The following SNTG1 variants were observed in gnomAD, a reference collection of about 807,000 sequenced individuals.
SNTG1 encodes syntrophin gamma 1.
SNTG1 carries 39 observed loss-of-function variants against 74.7 expected under a neutral mutation model. That is an observed-to-expected ratio of 0.52 (90% CI 0.40 to 0.68). The LOEUF (loss-of-function observed/expected upper bound fraction) is 0.68. Ranked by LOEUF, SNTG1 falls within the 30% of genes least tolerant of loss-of-function variation. SNTG1 has a pLI of 0.00. For missense variants in SNTG1, 685 were observed against 609.5 expected (o/e 1.12, Z -1.30); for synonymous variants, 254 against 217.1 (o/e 1.17, Z -1.49).
At chr8:50,509,280 A>G (rs2094041518) in intron 9 of SNTG1, among the ~76,000 whole-genome samples, 2 of 152,056 alleles carry the variant, frequency 1.3e-5, no homozygotes, top group African/African-American at 4.8e-5. Context: ...ATTGGTCTCT[A>G]TCTCTGTTTT....
chr8:50,674,762 G>A lies in SNTG1; in HGVS notation c.1038+16099G>A, dbSNP rs939879594. 3.9e-5 allele frequency among the ~76,000 whole-genome samples: 6 copies of A among 152,040 alleles called. No homozygotes were observed. The South Asian group carries it at 8.3e-4, about 21-fold the overall frequency. On this transcript the variant is annotated intron_variant, in intron 15 of 18. Transcript: ENST00000642720. ...GCTCTTTTAATTGTGATGTTAGGGT[G>A]TAGATTTGAGATCTTTCTAGCTTTC...
chr8:50,123,476 G>T (rs1164541960), intron 1 of SNTG1, among the ~76,000 whole-genome samples: 7 of 142,134 alleles, frequency 4.9e-5, no homozygotes, highest in Non-Finnish European at 7.8e-5. Context: ...ATTCACTGCT[G>T]CCAAAAATAT....
At chr8:50,182,158 C>A (rs1394624423) in intron 2 of SNTG1, among the ~76,000 whole-genome samples, 2 of 152,136 alleles carry the variant, frequency 1.3e-5, no homozygotes, top group Non-Finnish European at 2.9e-5. Context: ...GCAGCATGAG[C>A]ACCCCAGTCT....
intron 4 of SNTG1, among the ~76,000 whole-genome samples, chr8:50,417,714 G>A (rs1389790249): frequency 6.6e-6 from 1 of 151,994 alleles, no homozygotes; most frequent in Non-Finnish European, 1.5e-5. Flanking sequence ...CTCACTCCAA[G>A]GTGATGCCCT....
chr8:50,489,957 G>A (rs2093836554), intron 8 of SNTG1, among the ~76,000 whole-genome samples: 2 of 152,162 alleles, frequency 1.3e-5, no homozygotes, highest in Non-Finnish European at 2.9e-5. Context: ...TTAGGTGTAA[G>A]CAAGGGGTCC....
At chr8:50,122,771 T>C (rs2081039179) in intron 1 of SNTG1, among the ~76,000 whole-genome samples, 1 of 140,840 alleles carries the variant, frequency 7.1e-6, no homozygotes, top group African/African-American at 2.6e-5. Context: ...AGAGAAGAAA[T>C]TCAAGAGATA....
chr8:50,118,677 T>A (rs1211398401), intron 1 of SNTG1, among the ~76,000 whole-genome samples: 1 of 142,396 alleles, frequency 7.0e-6, no homozygotes, highest in Non-Finnish European at 1.6e-5. Context: ...AGCCTATGAG[T>A]TGAAAACAAA....
intron 1 of SNTG1, among the ~76,000 whole-genome samples, chr8:49,956,567 T>C (rs1282990784): frequency 6.6e-6 from 1 of 152,216 alleles, no homozygotes. Flanking sequence ...CATTTAAAAA[T>C]TGTACTTTTG....
At chr8:50,282,891 C>T (rs930189874) in intron 2 of SNTG1, among the ~76,000 whole-genome samples, 1 of 152,188 alleles carries the variant, frequency 6.6e-6, no homozygotes, top group Admixed American at 6.5e-5. Context: ...CAATTGTGTC[C>T]TGTTACAAAG....
At chr8:50,758,763 A>T (rs543536830) in intron 18 of SNTG1, among the ~76,000 whole-genome samples, 1 of 152,170 alleles carries the variant, frequency 6.6e-6, no homozygotes, top group East Asian at 1.9e-4. Context: ...TGCTATTGTG[A>T]ACAGTGCAGC....
intron 12 of SNTG1, 69 bp downstream of exon 12, chr8:50,553,248 T>C: frequency 6.4e-7 from 1 of 1,563,968 alleles, no homozygotes; most frequent in Non-Finnish European, 8.7e-7. Flanking sequence ...AGTATATATG[T>C]AACTTCACAT....
rs187240107 is a variant in SNTG1 at position 50,046,167 on chromosome 8, T to G, written c.-102-126394T>G. Among the ~76,000 whole-genome samples the G allele has an allele frequency of 1.7e-3, 263 of 152,334 alleles. 1 individual carries two copies. Among genetic ancestry groups the G allele is most frequent in the Non-Finnish European group, 1.8e-3 (121 of 68,024 alleles). Reference sequence around the variant, plus strand: ...TAAATAATATCCTTCTTTCGACATTTTTCAACCTTTAAATATGTAAAGGTC... The same window carrying G: ...TAAATAATATCCTTCTTTCGACATTGTTCAACCTTTAAATATGTAAAGGTC... On this transcript the variant is annotated intron_variant, in intron 1 of 18. Transcript: ENST00000642720.
intron 1 of SNTG1, among the ~76,000 whole-genome samples, chr8:50,040,966 G>A (rs1212122115): frequency 2.0e-5 from 3 of 152,154 alleles, no homozygotes; most frequent in South Asian, 2.1e-4. Context: ...GCATGATCTT[G>A]GCTTACTGCA....
At chr8:49,921,986 T>C (rs749120171) in intron 1 of SNTG1, among the ~76,000 whole-genome samples, 5 of 152,146 alleles carry the variant, frequency 3.3e-5, no homozygotes, top group Non-Finnish European at 7.4e-5. Flanking sequence ...TCCTATTATA[T>C]TCTCTTCTAC....
intron 15 of SNTG1, among the ~76,000 whole-genome samples, chr8:50,698,924 C>T (rs557314572): frequency 5.9e-5 from 9 of 152,272 alleles, no homozygotes; most frequent in Non-Finnish European, 1.2e-4. Context: ...TCATTTTCAG[C>T]CAGTCCCACA....
At chr8:50,090,114 C>A (rs958162427) in intron 1 of SNTG1, among the ~76,000 whole-genome samples, 2 of 152,154 alleles carry the variant, frequency 1.3e-5, no homozygotes, top group Non-Finnish European at 2.9e-5. Context: ...AAGTAAACAT[C>A]AATTAATTGT....
chr8:50,503,366 T>C (rs1158604467), intron 9 of SNTG1, among the ~76,000 whole-genome samples: 2 of 152,192 alleles, frequency 1.3e-5, no homozygotes, highest in Non-Finnish European at 2.9e-5. Flanking sequence ...TAAAATGAAA[T>C]GTATATTATC....
At chr8:50,769,326 C>A (rs574361197) in intron 18 of SNTG1, among the ~76,000 whole-genome samples, 2 of 151,808 alleles carry the variant, frequency 1.3e-5, no homozygotes, top group Admixed American at 1.3e-4. Context: ...TAATCATCTA[C>A]GAAGAGAAGA....
At chr8:49,925,713 T>G (rs1373750162) in intron 1 of SNTG1, among the ~76,000 whole-genome samples, 1 of 152,214 alleles carries the variant, frequency 6.6e-6, no homozygotes, top group African/African-American at 2.4e-5. Flanking sequence ...TGAGATCCAT[T>G]TTTTGCACTC....
Sources: allele counts gnomAD v4.1 joint callset (sites outside exome capture counted in the v4.1 genomes callset), GRCh38; gene constraint gnomAD v4.1.1; transcripts MANE v1.5; gene names NCBI Gene and HGNC (gene_info 2026-07-23, HGNC 2026-07-21).